The following SESN2 variants were observed in gnomAD, a reference collection of about 807,000 sequenced individuals.
SESN2 encodes sestrin 2.
In SESN2, 42 loss-of-function variants were observed where a neutral mutation model predicts 56.0. The observed-to-expected ratio is 0.75, with a 90% CI of 0.59 to 0.97. The LOEUF (loss-of-function observed/expected upper bound fraction) is 0.97, where lower values mean the gene tolerates loss of function less well. Among genes scored for constraint, SESN2 ranks in the 50% least tolerant of loss-of-function variants. The pLI is 0.00. For missense variants in SESN2, 507 were observed against 649.4 expected (o/e 0.78, Z 2.38); for synonymous variants, 264 against 267.1 (o/e 0.99, Z 0.11).
chr1:28,278,365 G>A (rs1328869510), intron 8 of SESN2, among the ~76,000 whole-genome samples: 2 of 152,036 alleles, frequency 1.3e-5, no homozygotes, highest in African/African-American at 4.8e-5. Flanking sequence ...TCAGGAGTTC[G>A]AGACCAGCCT....
intron 2 of SESN2, among the ~76,000 whole-genome samples, 168 bp downstream of exon 2, chr1:28,269,416 A>G (rs545163688): frequency 2.0e-5 from 3 of 151,942 alleles, no homozygotes; most frequent in African/African-American, 4.8e-5. Context: ...GGCACTGTCA[A>G]CTCCATTTTA....
Position 28,259,528 on chromosome 1 carries a change from C to T in SESN2, c.-320C>T. On this transcript the variant is annotated 5_prime_UTR_variant, in exon 1 of 10. Coordinates refer to ENST00000253063, the MANE Select transcript of SESN2 (RefSeq NM_031459.5). ...CAGAGCCCGGCGAGCGCTGGCAGTT[C>T]CGCGGCGGGGATGCTGAGGAGCGCT... 1 of 285,402 alleles carries T rather than the reference C, an allele frequency of 3.5e-6. No individual in the cohort carries two copies. The highest frequency in any genetic ancestry group is 5.8e-5 in the East Asian group (1 of 17,336). The allele number at this position is 285,402 out of a possible 1,614,324, so 17.7% of individuals were successfully genotyped here.
intron 1 of SESN2, among the ~76,000 whole-genome samples, 191 bp downstream of exon 1, chr1:28,260,128 C>T (rs550270732): frequency 2.5e-4 from 37 of 148,834 alleles, no homozygotes; most frequent in African/African-American, 8.4e-4. Flanking sequence ...CTCCCCTCTC[C>T]CTCCTTCTCC....
intron 9 of SESN2, among the ~76,000 whole-genome samples, chr1:28,280,280 C>T (rs761390771): frequency 3.9e-5 from 6 of 152,152 alleles, no homozygotes; most frequent in Non-Finnish European, 2.9e-5. Context: ...GTACATAAAC[C>T]TCTGCAACCT....
At chr1:28,279,699 C>T (rs1286644123) in intron 9 of SESN2, among the ~76,000 whole-genome samples, 3 of 151,892 alleles carry the variant, frequency 2.0e-5, no homozygotes, top group Non-Finnish European at 4.4e-5. Context: ...GCGTGTGCCA[C>T]CATCCCCAGC....
Position 28,272,600 on chromosome 1 carries a change from A to T in SESN2, c.557A>T (p.Glu186Val). ...EHIQALLKTG[E>V]HTWSLAELIQ... Reference sequence around the variant, plus strand: ...TTCCAGGCCTTGCTGAAGACCGGCGAGCACACTTGGTCCCTGGCCGAGCTC... The same window carrying T: ...TTCCAGGCCTTGCTGAAGACCGGCGTGCACACTTGGTCCCTGGCCGAGCTC... Residue 186 changes from glutamate to valine, a missense_variant, in exon 5 of 10, where the codon GAG becomes GTG. Glu to Val is a moderately radical substitution (Grantham distance 121). Coordinates refer to ENST00000253063, the MANE Select transcript of SESN2 (RefSeq NM_031459.5). 1 of 1,614,002 alleles carries T rather than the reference A, an allele frequency of 6.2e-7. No homozygotes were observed. The highest frequency in any genetic ancestry group is 1.1e-5 in the South Asian group (1 of 91,084).
intron 2 of SESN2, 68 bp downstream of exon 2, chr1:28,269,316 G>T: frequency 5.8e-6 from 6 of 1,042,972 alleles, no homozygotes; most frequent in Non-Finnish European, 7.2e-6. Context: ...TGGTAGGCAG[G>T]CATCTTTTCC....
At chr1:28,276,309 A>T (rs1348742602) in intron 8 of SESN2, among the ~76,000 whole-genome samples, 2 of 151,998 alleles carry the variant, frequency 1.3e-5, no homozygotes, top group East Asian at 3.9e-4. Flanking sequence ...ATTAAGACCC[A>T]TCTCTACAAA....
chr1:28,266,876 A>G (rs911371804), intron 1 of SESN2, among the ~76,000 whole-genome samples: 8 of 152,018 alleles, frequency 5.3e-5, no homozygotes, highest in African/African-American at 1.9e-4. Context: ...ACTGCATTGT[A>G]TATTGTTGTT....
chr1:28,263,486 G>T (rs538942800), intron 1 of SESN2, among the ~76,000 whole-genome samples: 1 of 152,282 alleles, frequency 6.6e-6, no homozygotes, highest in African/African-American at 2.4e-5. Context: ...TCTGAATTCA[G>T]CTGGGGGTGA....
rs140893776 is a variant in SESN2, at chr1:28,280,893, C to T, written c.*91C>T. On this transcript the variant is annotated 3_prime_UTR_variant, in exon 10 of 10. Coordinates refer to ENST00000253063, the MANE Select transcript of SESN2 (RefSeq NM_031459.5). ...AGACCCTTTTGTGTCCCATGCCCACCCTCCCCACGCTGCAGTGGGCTTGTG... is the reference window on the plus strand; with the variant it reads ...AGACCCTTTTGTGTCCCATGCCCACTCTCCCCACGCTGCAGTGGGCTTGTG... 2 of 935,332 alleles carry T rather than the reference C, an allele frequency of 2.1e-6. No individual in the cohort carries two copies. Among genetic ancestry groups the T allele is most frequent in the Non-Finnish European group, 3.4e-6 (2 of 582,252 alleles). The allele number at this position is 935,332 out of a possible 1,614,324, so 57.9% of individuals were successfully genotyped here.
At chr1:28,260,875 G>GT (rs1340056635) in intron 1 of SESN2, among the ~76,000 whole-genome samples, 5 of 152,070 alleles carry the variant, frequency 3.3e-5, no homozygotes, top group African/African-American at 9.6e-5. Context: ...CAGGCTCTGA[G>GT]TTTTTTTCGC....
At chr1:28,263,067 T>C (rs508772) in intron 1 of SESN2, among the ~76,000 whole-genome samples, 83,323 of 152,034 alleles carry the variant, frequency 0.55, 24,306 homozygotes, top group African/African-American at 0.71. Context: ...TTATGTGAAA[T>C]AGTCCCTTGC....
chr1:28,278,613 C>T (rs1035975583), intron 8 of SESN2, among the ~76,000 whole-genome samples: 3 of 152,118 alleles, frequency 2.0e-5, no homozygotes, highest in African/African-American at 7.2e-5. Flanking sequence ...AAAATGTGAG[C>T]TAAGCTTTCT....
chr1:28,269,412 G>A lies in SESN2; in HGVS notation c.156+164G>A, dbSNP rs573336266. On this transcript the variant is annotated intron_variant, in intron 2 of 9. Transcript: ENST00000253063. Reference sequence around the variant, plus strand: ...AAAACGGCTTTGTGAAGCAGGCACTGTCAACTCCATTTTACTGGGAAGAAA... The same window carrying A: ...AAAACGGCTTTGTGAAGCAGGCACTATCAACTCCATTTTACTGGGAAGAAA... 1.2e-3 allele frequency among the ~76,000 whole-genome samples: 189 copies of A among 151,938 alleles called. 1 individual carries two copies. The highest frequency in any genetic ancestry group is 4.1e-3 in the African/African-American group (171 of 41,416).
rs1647992617 is a variant in SESN2 at position 28,275,282 on chromosome 1, C to T, written c.1211+267C>T. Among the ~76,000 whole-genome samples, 7 of 149,074 alleles carry T rather than the reference C, an allele frequency of 4.7e-5. No homozygotes were observed. The South Asian group carries it at 1.1e-3, about 22-fold the overall frequency. On this transcript the variant is annotated intron_variant, in intron 8 of 9. Transcript: ENST00000253063. ...ACACACACATACTCACACATATATA[C>T]ACATATACATGCATACACACACACA...
At chr1:28,279,391 C>T in intron 9 of SESN2, 150 bp downstream of exon 9, 1 of 727,692 alleles carries the variant, frequency 1.4e-6, no homozygotes, top group Non-Finnish European at 2.2e-6. Flanking sequence ...AAGTCCTATT[C>T]CACTGTGTGA....
In SESN2 at chr1:28,280,854, C is replaced by T; in HGVS notation, c.*52C>T. The stretch of plus-strand genomic sequence containing the variant: ...CAGCTCCCCACAAGGACTTCTCTGT[C>T]TGGAGACAGCCCCAGACCCTTTTGT... On this transcript the variant is annotated 3_prime_UTR_variant, in exon 10 of 10. Transcript: ENST00000253063. 7.1e-7 allele frequency: 1 copy of T among 1,404,972 alleles called. No homozygotes were observed. The highest frequency in any genetic ancestry group is 1.1e-5 in the South Asian group (1 of 86,996). The allele number at this position is 1,404,972 out of a possible 1,614,324, so 87.0% of individuals were successfully genotyped here. A position where few individuals can be genotyped will look rare whatever the true frequency, so the allele number is the denominator to read the frequency against.
intron 8 of SESN2, among the ~76,000 whole-genome samples, chr1:28,278,306 C>T (rs1264076564): frequency 1.3e-5 from 2 of 152,166 alleles, no homozygotes; most frequent in Admixed American, 6.5e-5. Context: ...TGGTGGCTCA[C>T]GCCTGTAATC....
Sources: allele counts gnomAD v4.1 joint callset (sites outside exome capture counted in the v4.1 genomes callset), GRCh38; gene constraint gnomAD v4.1.1; transcripts MANE v1.5; gene names NCBI Gene and HGNC (gene_info 2026-07-23, HGNC 2026-07-21).